Variants in ZFAT observed in about 807,000 individuals in gnomAD.
ZFAT encodes zinc finger protein ZFAT.
In ZFAT, 64 loss-of-function variants were observed where a neutral mutation model predicts 117.7. The observed-to-expected ratio is 0.54, with a 90% confidence interval of 0.44 to 0.67. The LOEUF (loss-of-function observed/expected upper bound fraction) is 0.67, where lower values mean the gene tolerates loss of function less well. Ranked by LOEUF, ZFAT falls within the 30% of genes least tolerant of loss-of-function variation. The probability of loss-of-function intolerance (pLI) is 0.00; values close to 1 mark genes in which losing one functional copy is unlikely to be tolerated. For synonymous variants in ZFAT, 679 were observed against 615.0 expected, an observed-to-expected ratio of 1.10 and a Z score of -1.54; for missense variants, 1,433 against 1,584.5, an observed-to-expected ratio of 0.90 and a Z score of 1.62.
At position 134,608,724 on chromosome 8, in the gene ZFAT, T is replaced by C; in HGVS notation, c.785+5A>G. The C allele has an allele frequency of 1.2e-6, 2 of 1,609,818 alleles. No homozygotes were observed. Among genetic ancestry groups the C allele is most frequent in the Non-Finnish European group, 1.7e-6 (2 of 1,178,384 alleles). On this transcript the variant is annotated splice_donor_5th_base_variant and intron_variant, in intron 5 of 15. Coordinates refer to ENST00000377838, the MANE Select transcript of ZFAT (RefSeq NM_020863.4). Reference sequence around the variant, plus strand: ...GCTGAAGTTACACAGAACAAAACACTTTACCTGCTTGACTTCATTGGTTGC... The same window carrying C: ...GCTGAAGTTACACAGAACAAAACACCTTACCTGCTTGACTTCATTGGTTGC...
chr8:134,554,742 C>T (rs1485188947), intron 11 of ZFAT, among the ~76,000 whole-genome samples: 1 of 152,224 alleles, frequency 6.6e-6, no homozygotes, highest in African/African-American at 2.4e-5. Context: ...AGCTGACCTG[C>T]AAAGCTGGTA....
intron 2 of ZFAT, among the ~76,000 whole-genome samples, chr8:134,645,876 A>G (rs1830859655): frequency 6.6e-6 from 1 of 152,154 alleles, no homozygotes; most frequent in Admixed American, 6.5e-5. Context: ...AAAACAGACA[A>G]CATTTTAGGC....
chr8:134,827,744 G>C, the ZFAT span, among the ~76,000 whole-genome samples: 1 of 150,652 alleles, frequency 6.6e-6, no homozygotes, highest in South Asian at 2.1e-4. Context: ...CTCCAGCCTG[G>C]GTGACAGAGT....
At position 134,637,718 on chromosome 8, in the gene ZFAT, G is replaced by C; in HGVS notation, c.197-6C>G. ...CCTCTTCATGACCAAAAACTCTACA[G>C]AGGAAACAAGAGGGCACAATGGAAT... is the stretch of plus-strand genomic sequence containing the variant. On this transcript the variant is annotated splice_region_variant and splice_polypyrimidine_tract_variant and intron_variant, in intron 2 of 15. Transcript: ENST00000377838. 6.2e-7 allele frequency: 1 copy of C among 1,611,246 alleles called. No homozygotes were observed. Among genetic ancestry groups the C allele is most frequent in the Non-Finnish European group, 8.5e-7 (1 of 1,178,010 alleles).
intron 2 of ZFAT, among the ~76,000 whole-genome samples, chr8:134,638,560 C>CAAAAAAAAAAAAAAAAAA (rs1563711719): frequency 2.2e-4 from 14 of 63,032 alleles, no homozygotes; most frequent in African/African-American, 1.1e-3. Flanking sequence ...AAAAAAAAAA[C>CAAAAAAAAAAAAAAAAAA]AAAACAAAAA....
chr8:134,707,528 C>A (rs918273675), intron 1 of ZFAT, among the ~76,000 whole-genome samples: 1 of 152,180 alleles, frequency 6.6e-6, no homozygotes, highest in African/African-American at 2.4e-5. Context: ...AGGAGAATAT[C>A]TAACACTAAG....
In ZFAT at chr8:134,605,640, C is replaced by T. The variant is rs75897968; in HGVS notation, c.786-2707G>A. On this transcript the variant is annotated intron_variant, in intron 5 of 15. Transcript: ENST00000377838. The stretch of plus-strand genomic sequence containing the variant: ...GTTATTCCACTTATGGGAATTTATC[C>T]AAAAGAAAGAATACAAAATTCAGAT... Among the ~76,000 whole-genome samples the T allele has an allele frequency of 2.9e-3, 440 of 152,008 alleles. 2 individuals are homozygous for T. Among genetic ancestry groups the T allele is most frequent in the African/African-American group, 0.01 (417 of 41,462 alleles).
At chr8:134,696,178 G>C (rs1833832190) in intron 1 of ZFAT, among the ~76,000 whole-genome samples, 1 of 151,858 alleles carries the variant, frequency 6.6e-6, no homozygotes, top group East Asian at 1.9e-4. Context: ...CCAGGCCCTG[G>C]CCCCATCTCT....
intron 1 of ZFAT, among the ~76,000 whole-genome samples, chr8:134,659,907 T>C (rs919504762): frequency 1.3e-5 from 2 of 152,220 alleles, no homozygotes; most frequent in Admixed American, 1.3e-4. Flanking sequence ...GGTAACGACC[T>C]GAGAGAATTC....
intron 11 of ZFAT, among the ~76,000 whole-genome samples, chr8:134,554,710 T>C (rs1273829209): frequency 2.6e-5 from 4 of 152,208 alleles, no homozygotes; most frequent in Non-Finnish European, 5.9e-5. Flanking sequence ...ACAGAAACTC[T>C]GCAGCATCCT....
intron 3 of ZFAT, among the ~76,000 whole-genome samples, chr8:134,623,930 T>C (rs917343743): frequency 6.6e-6 from 1 of 152,010 alleles, no homozygotes; most frequent in Non-Finnish European, 1.5e-5. Flanking sequence ...CAATACCTTG[T>C]GGAGCACCCA....
At chr8:134,656,323 C>T (rs1369642820) in intron 2 of ZFAT, among the ~76,000 whole-genome samples, 1 of 152,202 alleles carries the variant, frequency 6.6e-6, no homozygotes, top group African/African-American at 2.4e-5. Flanking sequence ...GGGGAGAGGA[C>T]AGGTCTGCTC....
chr8:134,626,852 T>C (rs900910786), intron 3 of ZFAT, among the ~76,000 whole-genome samples: 8 of 152,212 alleles, frequency 5.3e-5, no homozygotes, highest in Non-Finnish European at 8.8e-5. Context: ...ATGTAAAGTA[T>C]AAGAAGCTGC....
chr8:134,711,011 A>G (rs1326444513), intron 1 of ZFAT, among the ~76,000 whole-genome samples: 1 of 152,258 alleles, frequency 6.6e-6, no homozygotes, highest in Non-Finnish European at 1.5e-5. Context: ...ACCAGAACAC[A>G]TGCATCAGCT....
At position 134,654,744 on chromosome 8, in the gene ZFAT, T is replaced by G. The variant is rs574196965; in HGVS notation, c.196+2817A>C. Among the ~76,000 whole-genome samples the G allele has an allele frequency of 2.3e-3, 354 of 152,224 alleles. 1 individual carries two copies. The highest frequency in any genetic ancestry group is 8.2e-3 in the African/African-American group (342 of 41,520). On this transcript the variant is annotated intron_variant, in intron 2 of 15. Coordinates refer to ENST00000377838, the MANE Select transcript of ZFAT (RefSeq NM_020863.4). ...AGGCAAGAAAGCAAGGACAACAAAA[T>G]GTAATTCATTCACTGGACACACACG...
chr8:134,801,990 A>G, the ZFAT span, among the ~76,000 whole-genome samples: 3 of 152,186 alleles, frequency 2.0e-5, no homozygotes, highest in Admixed American at 6.5e-5. Context: ...CTTTTTTTGC[A>G]GGGCCCAGCA....
rs558788363 is a variant in ZFAT at position 134,525,231 on chromosome 8, CCT to C, written c.3116-4232_3116-4231del. Among the ~76,000 whole-genome samples, 7 of 152,330 alleles carry C rather than the reference CCT, an allele frequency of 4.6e-5. No homozygotes were observed. The South Asian group carries it at 1.5e-3, about 32-fold the overall frequency. ...TCAAATCCCTGTACAGCCTTCTCAT[CCT>C]CTGTGTGGAGTCCTAAAGCCTCACA... On this transcript the variant is annotated intron_variant, in intron 12 of 15. Transcript: ENST00000377838.
the ZFAT span, among the ~76,000 whole-genome samples, chr8:134,819,534 T>C: frequency 3.4e-5 from 3 of 87,854 alleles, no homozygotes; most frequent in African/African-American, 1.4e-4. Context: ...ACAAAAGCTC[T>C]GATTAATAAG....
At chr8:134,538,937 G>A (rs1186633487) in intron 11 of ZFAT, among the ~76,000 whole-genome samples, 1 of 151,994 alleles carries the variant, frequency 6.6e-6, no homozygotes, top group Non-Finnish European at 1.5e-5. Flanking sequence ...CAGTTAAGTT[G>A]TCACCACCAT....
Sources: gnomAD v4.1 joint callset for allele counts (sites outside exome capture counted in the v4.1 genomes callset) on GRCh38, gnomAD v4.1.1 for gene constraint, MANE v1.5 for transcripts, NCBI Gene and HGNC (gene_info 2026-07-23, HGNC 2026-07-21) for gene names.